Variants in FHIT observed in about 807,000 individuals in gnomAD.
The protein encoded by FHIT is bis(5'-adenosyl)-triphosphatase.
FHIT carries 19 observed loss-of-function variants against 17.9 expected under a neutral mutation model. The ratio of observed to expected loss-of-function variants is 1.06; its 90% confidence interval spans 0.74 to 1.56. The LOEUF (loss-of-function observed/expected upper bound fraction) is 1.56. FHIT is among the 40% of genes most tolerant of loss of function. FHIT has a pLI of 0.00. For missense variants in FHIT, 248 were observed against 189.2 expected (o/e 1.31, Z -1.82); for synonymous variants, 81 against 69.7 (o/e 1.16, Z -0.81).
At chr3:60,470,500 A>C (rs1385395608) in intron 5 of FHIT, among the ~76,000 whole-genome samples, 1 of 151,820 alleles carries the variant, frequency 6.6e-6, no homozygotes, top group Non-Finnish European at 1.5e-5. Context: ...TGCTCCGGGC[A>C]CATGGAGAGT....
intron 4 of FHIT, among the ~76,000 whole-genome samples, chr3:60,682,035 G>A (rs1489540823): frequency 2.0e-5 from 3 of 150,894 alleles, no homozygotes; most frequent in Admixed American, 1.3e-4. Flanking sequence ...GCAATGGTGC[G>A]ATCTCAGCTC....
At chr3:60,326,598 A>T (rs1709706343) in intron 5 of FHIT, among the ~76,000 whole-genome samples, 1 of 152,160 alleles carries the variant, frequency 6.6e-6, no homozygotes, top group Non-Finnish European at 1.5e-5. Flanking sequence ...TCCATGACGC[A>T]GGGGCTGGGG....
intron 8 of FHIT, among the ~76,000 whole-genome samples, chr3:59,886,039 G>C (rs1390468591): frequency 2.6e-5 from 4 of 152,220 alleles, no homozygotes; most frequent in Non-Finnish European, 5.9e-5. Flanking sequence ...CATTGGGCAA[G>C]CTCTGATATG....
At chr3:60,128,163 T>C (rs1705644319) in intron 5 of FHIT, among the ~76,000 whole-genome samples, 1 of 152,170 alleles carries the variant, frequency 6.6e-6, no homozygotes, top group South Asian at 2.1e-4. Context: ...GTGAATTGAA[T>C]ATTGAACCCT....
In FHIT at chr3:60,302,055, CTACTT is replaced by C. The variant is rs1190652019; in HGVS notation, c.103+234800_103+234804del. On this transcript the variant is annotated intron_variant, in intron 5 of 9. Coordinates refer to ENST00000492590, the MANE Select transcript of FHIT (RefSeq NM_002012.4). ...CAATGTCAGACTAATATTTTTGCCT[CTACTT>C]TAATTGCTTTTTAAAAAGAAGTATC... Among the ~76,000 whole-genome samples the C allele has an allele frequency of 3.3e-5, 5 of 152,192 alleles. No individual in the cohort carries two copies. The East Asian group carries it at 9.7e-4, about 29-fold the overall frequency.
chr3:61,065,658 C>T (rs1192634113), intron 2 of FHIT, among the ~76,000 whole-genome samples: 1 of 150,350 alleles, frequency 6.7e-6, no homozygotes, highest in East Asian at 2.0e-4. Context: ...TTCAACTTGA[C>T]AATAAATCAA....
At chr3:60,279,033 T>G (rs1707302661) in intron 5 of FHIT, among the ~76,000 whole-genome samples, 1 of 151,772 alleles carries the variant, frequency 6.6e-6, no homozygotes, top group South Asian at 2.1e-4. Context: ...AGAATAGAAA[T>G]TAGAGCAGAA....
At chr3:60,190,116 G>A (rs749852778) in intron 5 of FHIT, among the ~76,000 whole-genome samples, 14 of 152,132 alleles carry the variant, frequency 9.2e-5, no homozygotes, top group Non-Finnish European at 1.9e-4. Flanking sequence ...TCATACAGAA[G>A]CCAACCAGTT....
chr3:59,750,590 C>T lies in FHIT; in HGVS notation c.*6-1011G>A, dbSNP rs1700840208. The stretch of plus-strand genomic sequence containing the variant: ...CTCTGTTATAGCACTTGCCATATCC[C>T]CCCAGGCAACTGAGTGCAGAGCTGA... On this transcript the variant is annotated intron_variant, in intron 9 of 9. Transcript: ENST00000492590. 3 of 225,258 alleles carry T rather than the reference C, an allele frequency of 1.3e-5. No individual in the cohort carries two copies. The East Asian group carries it at 1.9e-4, about 14-fold the overall frequency. The allele number at this position is 225,258 out of a possible 1,614,324, so 14.0% of individuals were successfully genotyped here. A position where few individuals can be genotyped will look rare whatever the true frequency, so the allele number is the denominator to read the frequency against.
chr3:60,834,292 G>C (rs1275746148), intron 3 of FHIT, among the ~76,000 whole-genome samples: 3 of 152,088 alleles, frequency 2.0e-5, no homozygotes, highest in Non-Finnish European at 2.9e-5. Flanking sequence ...TTTTATTTTA[G>C]TTATTTCAAT....
chr3:60,008,810 C>T (rs187199973), intron 7 of FHIT, among the ~76,000 whole-genome samples: 3 of 152,320 alleles, frequency 2.0e-5, no homozygotes, highest in African/African-American at 7.2e-5. Context: ...ATTAAAGATG[C>T]TGCTTTGTCC....
At chr3:61,044,045 C>T (rs1316500092) in intron 2 of FHIT, among the ~76,000 whole-genome samples, 1 of 152,154 alleles carries the variant, frequency 6.6e-6, no homozygotes, top group East Asian at 1.9e-4. Context: ...AGTAGAAAAG[C>T]TGAAAATTCT....
chr3:59,832,322 C>T (rs926885396), intron 8 of FHIT, among the ~76,000 whole-genome samples: 5 of 152,168 alleles, frequency 3.3e-5, no homozygotes, highest in East Asian at 1.9e-4. Context: ...TGACACCAGA[C>T]GTCTTTAACT....
At chr3:60,098,670 T>C (rs1704068400) in intron 5 of FHIT, among the ~76,000 whole-genome samples, 1 of 152,214 alleles carries the variant, frequency 6.6e-6, no homozygotes, top group Non-Finnish European at 1.5e-5. Flanking sequence ...GTAGGTTGCC[T>C]GTTCACTCTG....
At chr3:60,849,876 T>G (rs543863306) in intron 3 of FHIT, among the ~76,000 whole-genome samples, 2 of 152,234 alleles carry the variant, frequency 1.3e-5, no homozygotes, top group South Asian at 4.1e-4. Flanking sequence ...CTAAGTGGCA[T>G]GGTCACTATA....
At chr3:60,328,665 C>T (rs1347093742) in intron 5 of FHIT, among the ~76,000 whole-genome samples, 1 of 152,096 alleles carries the variant, frequency 6.6e-6, no homozygotes, top group African/African-American at 2.4e-5. Context: ...CTACTGAGTA[C>T]AGAAATGAAA....
chr3:59,809,550 C>T (rs1265412776), intron 8 of FHIT, among the ~76,000 whole-genome samples: 1 of 152,192 alleles, frequency 6.6e-6, no homozygotes, highest in Non-Finnish European at 1.5e-5. Flanking sequence ...TTCTTTTATA[C>T]AATTGTACAA....
At chr3:60,344,643 C>T (rs115318229) in intron 5 of FHIT, among the ~76,000 whole-genome samples, 2,684 of 152,232 alleles carry the variant, frequency 0.018, 43 homozygotes, top group Middle Eastern at 0.041. Context: ...ATTTTAGAGA[C>T]GCCTCCAAAC....
chr3:59,757,792 G>A (rs761748735), intron 8 of FHIT, among the ~76,000 whole-genome samples: 5 of 152,036 alleles, frequency 3.3e-5, no homozygotes, highest in Admixed American at 6.6e-5. Context: ...ATGGGTTGAC[G>A]GTTCTGTTTA....
Sources: allele counts gnomAD v4.1 joint callset (sites outside exome capture counted in the v4.1 genomes callset), GRCh38; gene constraint gnomAD v4.1.1; transcripts MANE v1.5; gene names NCBI Gene and HGNC (gene_info 2026-07-23, HGNC 2026-07-21).